Variants in PSMB7 observed in about 807,000 individuals in gnomAD.
The protein encoded by PSMB7 is proteasome 20S subunit beta 7.
A neutral mutation model predicts 28.1 loss-of-function variants in PSMB7; 5 were observed. The observed-to-expected ratio is 0.18, with a 90% CI of 0.09 to 0.37. The LOEUF (loss-of-function observed/expected upper bound fraction) is 0.37. PSMB7 is among the 10% of genes least tolerant of loss of function. The probability of loss-of-function intolerance (pLI) is 1.00; values close to 1 mark genes in which losing one functional copy is unlikely to be tolerated. For synonymous variants in PSMB7, 122 were observed against 123.7 expected (o/e 0.99, Z 0.09); for missense variants, 275 against 346.2 (o/e 0.79, Z 1.63).
intron 1 of PSMB7, 128 bp downstream of exon 1, chr9:124,415,236 C>T: frequency 9.3e-7 from 1 of 1,070,990 alleles, no homozygotes; most frequent in South Asian, 1.4e-5. Context: ...CTGAGTCACA[C>T]TAGCCGCGGG....
chr9:124,403,325 G>C (rs1323145217), intron 5 of PSMB7, among the ~76,000 whole-genome samples: 1 of 151,638 alleles, frequency 6.6e-6, no homozygotes, highest in African/African-American at 2.4e-5. Flanking sequence ...AGGAGTTCGA[G>C]ACCAACCTGG....
At chr9:124,376,918 G>A (rs1331974989) in intron 6 of PSMB7, among the ~76,000 whole-genome samples, 4 of 152,162 alleles carry the variant, frequency 2.6e-5, no homozygotes, top group Admixed American at 2.6e-4. Flanking sequence ...TCAAGGAATT[G>A]CTGAAAAGTA....
At chr9:124,376,682 G>A (rs1378506248) in intron 6 of PSMB7, among the ~76,000 whole-genome samples, 1 of 152,184 alleles carries the variant, frequency 6.6e-6, no homozygotes, top group East Asian at 1.9e-4. Flanking sequence ...GAATAAGAAA[G>A]TGTTAAAGAA....
chr9:124,381,167 A>T (rs1258384983), intron 6 of PSMB7, among the ~76,000 whole-genome samples: 1 of 152,222 alleles, frequency 6.6e-6, no homozygotes, highest in South Asian at 2.1e-4. Flanking sequence ...GCAGCTAGAG[A>T]TGACGGGAAC....
chr9:124,414,666 A>T (rs1831066963), intron 2 of PSMB7, among the ~76,000 whole-genome samples, 176 bp downstream of exon 2: 1 of 152,182 alleles, frequency 6.6e-6, no homozygotes, highest in Admixed American at 6.5e-5. Flanking sequence ...GAAAGAACAT[A>T]AACTGTTAAG....
At chr9:124,355,107 C>T (rs1830388366) in intron 7 of PSMB7, among the ~76,000 whole-genome samples, 1 of 152,220 alleles carries the variant, frequency 6.6e-6, no homozygotes, top group Admixed American at 6.5e-5. Flanking sequence ...CAGGCAGTGC[C>T]CCCATCTTCA....
intron 4 of PSMB7, 53 bp from the exon 5 acceptor site, chr9:124,405,485 T>C: frequency 7.8e-7 from 1 of 1,281,602 alleles, no homozygotes; most frequent in Admixed American, 1.9e-5. Flanking sequence ...AAAGCATCAC[T>C]GTAACTTAGC....
At chr9:124,396,428 G>T (rs1192733363) in intron 5 of PSMB7, among the ~76,000 whole-genome samples, 1 of 152,146 alleles carries the variant, frequency 6.6e-6, no homozygotes, top group African/African-American at 2.4e-5. Flanking sequence ...AGATTCTTCT[G>T]CCCACAAGGT....
At chr9:124,373,183 C>T (rs994428383) in intron 6 of PSMB7, among the ~76,000 whole-genome samples, 2 of 152,148 alleles carry the variant, frequency 1.3e-5, no homozygotes, top group Non-Finnish European at 1.5e-5. Flanking sequence ...GGTGATTTTC[C>T]GAATCACCCA....
At chr9:124,359,065 G>C (rs1012504949) in intron 6 of PSMB7, among the ~76,000 whole-genome samples, 4 of 152,220 alleles carry the variant, frequency 2.6e-5, no homozygotes, top group African/African-American at 9.7e-5. Flanking sequence ...CAAACAGTCT[G>C]TAAGTAACTG....
At chr9:124,394,836 T>G (rs1830824893) in intron 5 of PSMB7, among the ~76,000 whole-genome samples, 1 of 152,220 alleles carries the variant, frequency 6.6e-6, no homozygotes, top group African/African-American at 2.4e-5. Context: ...AGAAACAAGA[T>G]GCATTCATTC....
intron 4 of PSMB7, among the ~76,000 whole-genome samples, chr9:124,406,064 C>A (rs192156330): frequency 6.6e-6 from 1 of 152,138 alleles, no homozygotes; most frequent in African/African-American, 2.4e-5. Context: ...TAAGAACTTG[C>A]CCGGTCTCAG....
chr9:124,371,785 G>C (rs970265939), intron 6 of PSMB7, among the ~76,000 whole-genome samples: 1 of 152,134 alleles, frequency 6.6e-6, no homozygotes, highest in African/African-American at 2.4e-5. Context: ...CACCTATACA[G>C]TTAAAAGTCT....
At chr9:124,394,443 G>C (rs2131169494) in intron 5 of PSMB7, among the ~76,000 whole-genome samples, 1 of 152,328 alleles carries the variant, frequency 6.6e-6, no homozygotes, top group Middle Eastern at 3.4e-3. Flanking sequence ...CTCTCTCTCA[G>C]TGGGGTTTAA....
chr9:124,411,796 T>C (rs1831029646), intron 4 of PSMB7, among the ~76,000 whole-genome samples: 1 of 152,238 alleles, frequency 6.6e-6, no homozygotes, highest in African/African-American at 2.4e-5. Context: ...GAGACGCTAA[T>C]AGTCCCTATC....
intron 5 of PSMB7, among the ~76,000 whole-genome samples, chr9:124,389,305 C>T (rs545633002): frequency 6.6e-6 from 1 of 152,314 alleles, no homozygotes; most frequent in Non-Finnish European, 1.5e-5. Context: ...ACTACTGACG[C>T]TCTCGGTCTC....
intron 5 of PSMB7, among the ~76,000 whole-genome samples, chr9:124,395,651 C>T (rs1172456282): frequency 4.6e-5 from 7 of 152,158 alleles, no homozygotes; most frequent in Admixed American, 4.6e-4. Flanking sequence ...AGCGTGCACA[C>T]ATAAAACGCG....
At chr9:124,396,947 G>C (rs1830849420) in intron 5 of PSMB7, 2 of 386,230 alleles carry the variant, frequency 5.2e-6, no homozygotes, top group Admixed American at 3.5e-5. Flanking sequence ...TCCTAATAAA[G>C]TCAAAAAATC....
intron 5 of PSMB7, among the ~76,000 whole-genome samples, chr9:124,395,335 A>G (rs566912710): frequency 9.0e-4 from 137 of 151,774 alleles, no homozygotes; most frequent in Non-Finnish European, 1.6e-3. Flanking sequence ...AAAAAGAAAG[A>G]AATTAAAAAA....
Sources: allele counts gnomAD v4.1 joint callset (sites outside exome capture counted in the v4.1 genomes callset), GRCh38; gene constraint gnomAD v4.1.1; transcripts MANE v1.5; gene names NCBI Gene and HGNC (gene_info 2026-07-23, HGNC 2026-07-21).